Variants in CDH18 observed in about 807,000 individuals in gnomAD.
CDH18 encodes the protein cadherin-18.
In CDH18, 31 loss-of-function variants were observed where a neutral mutation model predicts 67.9. The ratio of observed to expected loss-of-function variants is 0.46; its 90% CI spans 0.34 to 0.62. The LOEUF (loss-of-function observed/expected upper bound fraction) is 0.62, where lower values mean the gene tolerates loss of function less well. CDH18 is among the 20% of genes least tolerant of loss of function. The probability of loss-of-function intolerance (pLI) is 0.01; values close to 1 mark genes in which losing one functional copy is unlikely to be tolerated. For synonymous variants in CDH18, 362 were observed against 347.2 expected (o/e 1.04, Z -0.48); for missense variants, 890 against 975.5 (o/e 0.91, Z 1.17).
intron 2 of CDH18, among the ~76,000 whole-genome samples, chr5:19,858,267 T>C (rs995673035): frequency 3.3e-5 from 5 of 152,112 alleles, no homozygotes; most frequent in Non-Finnish European, 5.9e-5. Context: ...CTGGAATCAA[T>C]AGAAAGAAAT....
At chr5:20,176,674 G>GA (rs1170401768) in intron 2 of CDH18, among the ~76,000 whole-genome samples, 5 of 152,020 alleles carry the variant, frequency 3.3e-5, no homozygotes, top group African/African-American at 1.2e-4. Flanking sequence ...AATGTATTTG[G>GA]AAAATATTTA....
At chr5:19,613,920 A>C (rs1196206411) in intron 5 of CDH18, among the ~76,000 whole-genome samples, 13 of 152,076 alleles carry the variant, frequency 8.5e-5, no homozygotes, top group Admixed American at 8.5e-4. Flanking sequence ...AACATAAGTC[A>C]TTTTTTCATA....
intron 1 of CDH18, among the ~76,000 whole-genome samples, chr5:20,344,338 G>C (rs185386625): frequency 3.9e-4 from 60 of 152,178 alleles, no homozygotes; most frequent in Non-Finnish European, 6.6e-4. Flanking sequence ...AGAATGGGAG[G>C]CTACCCAGGG....
chr5:19,814,001 A>C (rs1168462040), intron 3 of CDH18, among the ~76,000 whole-genome samples: 2 of 151,928 alleles, frequency 1.3e-5, no homozygotes, highest in African/African-American at 4.8e-5. Flanking sequence ...ATTATCCAGA[A>C]GACGTAACAA....
At chr5:20,473,191 T>G (rs780101229) in intron 1 of CDH18, among the ~76,000 whole-genome samples, 2 of 152,090 alleles carry the variant, frequency 1.3e-5, no homozygotes, top group Non-Finnish European at 2.9e-5. Flanking sequence ...TTTGTTCTAC[T>G]TAATACAACT....
intron 1 of CDH18, among the ~76,000 whole-genome samples, chr5:20,564,260 T>TTTATTTATTTATTTA (rs1758375863): frequency 3.5e-5 from 5 of 141,650 alleles, no homozygotes; most frequent in Admixed American, 7.2e-5. Flanking sequence ...ATTATCACAG[T>TTTATTTATTTATTTA]TTTATTTATT....
chr5:20,170,301 C>T (rs1308341338), intron 2 of CDH18, among the ~76,000 whole-genome samples: 6 of 151,836 alleles, frequency 4.0e-5, no homozygotes, highest in Non-Finnish European at 7.4e-5. Flanking sequence ...TCCTGTGTTA[C>T]GTTCCTGAGT....
intron 4 of CDH18, among the ~76,000 whole-genome samples, chr5:19,745,731 G>A (rs1275353305): frequency 6.6e-6 from 1 of 152,060 alleles, no homozygotes; most frequent in East Asian, 1.9e-4. Context: ...GGGTCCAGAG[G>A]GAACGAGTTT....
chr5:20,225,645 T>C (rs769635073), intron 2 of CDH18, among the ~76,000 whole-genome samples: 1 of 152,120 alleles, frequency 6.6e-6, no homozygotes, highest in Admixed American at 6.6e-5. Flanking sequence ...GCTTCTCTTC[T>C]GGAGAATTCT....
At chr5:20,308,657 G>A (rs1403191943) in intron 1 of CDH18, among the ~76,000 whole-genome samples, 2 of 152,080 alleles carry the variant, frequency 1.3e-5, no homozygotes, top group Non-Finnish European at 2.9e-5. Context: ...AACCTACTAA[G>A]TTATTAAGGT....
intron 1 of CDH18, among the ~76,000 whole-genome samples, chr5:20,380,396 ACTT>A (rs984654350): frequency 6.6e-6 from 1 of 152,202 alleles, no homozygotes; most frequent in African/African-American, 2.4e-5. Context: ...TCTAAAAAAT[ACTT>A]CTTATGGTTG....
At chr5:20,359,875 T>C (rs1204516958) in intron 1 of CDH18, among the ~76,000 whole-genome samples, 1 of 151,930 alleles carries the variant, frequency 6.6e-6, no homozygotes, top group Non-Finnish European at 1.5e-5. Flanking sequence ...CTTATAAAGT[T>C]AGAAAGTTAT....
At chr5:20,252,999 T>C (rs899844115) in intron 2 of CDH18, among the ~76,000 whole-genome samples, 2 of 151,442 alleles carry the variant, frequency 1.3e-5, no homozygotes, top group African/African-American at 4.9e-5. Context: ...ATAGGTTAAA[T>C]AATATTCCTT....
At chr5:19,990,584 A>G (rs79855314), upstream of CDH18, among the ~76,000 whole-genome samples, 3,327 of 152,256 alleles carry the variant, frequency 0.022, 176 homozygotes, top group East Asian at 0.25. Flanking sequence ...ATTTGTATCT[A>G]TGAAGCCACA....
chr5:20,233,653 T>C (rs1011636890), intron 2 of CDH18, among the ~76,000 whole-genome samples: 2 of 152,034 alleles, frequency 1.3e-5, no homozygotes, highest in African/African-American at 2.4e-5. Flanking sequence ...TGTGTGTGTT[T>C]GCATGTGTAT....
At chr5:19,938,258 C>T (rs575165213) in intron 2 of CDH18, among the ~76,000 whole-genome samples, 5 of 151,126 alleles carry the variant, frequency 3.3e-5, no homozygotes, top group East Asian at 1.9e-4. Flanking sequence ...CTCAATGATG[C>T]TGGGTTATGG....
intron 1 of CDH18, among the ~76,000 whole-genome samples, chr5:20,501,431 ATATT>A (rs1339159904): frequency 7.7e-5 from 9 of 116,660 alleles, no homozygotes; most frequent in African/African-American, 2.7e-4. Context: ...TATTATATAT[ATATT>A]TTATATACAT....
intron 1 of CDH18, among the ~76,000 whole-genome samples, chr5:20,486,813 A>G (rs939939850): frequency 2.0e-5 from 3 of 151,862 alleles, no homozygotes; most frequent in African/African-American, 7.3e-5. Context: ...AAAATTTTCT[A>G]TTTCTTTTAT....
intron 2 of CDH18, among the ~76,000 whole-genome samples, chr5:19,938,091 G>T (rs1276613679): frequency 1.3e-5 from 2 of 148,594 alleles, no homozygotes; most frequent in Non-Finnish European, 3.0e-5. Flanking sequence ...GACTTTTTTT[G>T]GGAGATGGTG....
Sources: gnomAD v4.1 joint callset for allele counts (sites outside exome capture counted in the v4.1 genomes callset) on GRCh38, gnomAD v4.1.1 for gene constraint, MANE v1.5 for transcripts, NCBI Gene and HGNC (gene_info 2026-07-23, HGNC 2026-07-21) for gene names.